CDIN1: variants seen among roughly 807,000 people sequenced by gnomAD.
The protein encoded by CDIN1 is CDAN1-interacting nuclease 1.
Under a neutral mutation model 45.3 loss-of-function variants are expected in CDIN1, and 33 were observed. The observed-to-expected ratio is 0.73, with a 90% CI of 0.55 to 0.97. The LOEUF (loss-of-function observed/expected upper bound fraction) is 0.97, where lower values mean the gene tolerates loss of function less well. CDIN1 is among the 50% of genes least tolerant of loss of function. CDIN1 has a pLI of 0.00. For synonymous variants in CDIN1, 118 were observed against 124.4 expected (o/e 0.95, Z 0.34); for missense variants, 303 against 339.4 (o/e 0.89, Z 0.84).
chr15:36,714,735 G>A (rs912670557), intron 10 of CDIN1, among the ~76,000 whole-genome samples: 1 of 152,032 alleles, frequency 6.6e-6, no homozygotes, highest in South Asian at 2.1e-4. Flanking sequence ...CAAGCTCCAC[G>A]TACATTCCCA....
At chr15:36,747,871 AT>A (rs970905142) in intron 10 of CDIN1, among the ~76,000 whole-genome samples, 1 of 152,010 alleles carries the variant, frequency 6.6e-6, no homozygotes, top group African/African-American at 2.4e-5. Context: ...AGACCTGAGG[AT>A]TTTTCACTCT....
At chr15:36,599,326 C>G (rs1297939590) in intron 1 of CDIN1, among the ~76,000 whole-genome samples, 7 of 152,088 alleles carry the variant, frequency 4.6e-5, no homozygotes. Flanking sequence ...AGACATGGAG[C>G]CATTTGTTAT....
At chr15:36,790,610 G>T (rs891043444) in intron 10 of CDIN1, among the ~76,000 whole-genome samples, 1 of 152,100 alleles carries the variant, frequency 6.6e-6, no homozygotes, top group African/African-American at 2.4e-5. Context: ...CACATTCTAC[G>T]CATGTAACAA....
At chr15:36,595,060 C>A in intron 1 of CDIN1, 1 of 308,368 alleles carries the variant, frequency 3.2e-6, no homozygotes, top group Non-Finnish European at 4.7e-6. Flanking sequence ...ACATATGTAA[C>A]CTTGGAACTG....
At chr15:36,689,711 T>G (rs957761605) in intron 5 of CDIN1, among the ~76,000 whole-genome samples, 4 of 152,184 alleles carry the variant, frequency 2.6e-5, no homozygotes, top group African/African-American at 9.7e-5. Flanking sequence ...TGCTGTAATC[T>G]TTTCTTTTAT....
intron 10 of CDIN1, among the ~76,000 whole-genome samples, chr15:36,806,933 G>A (rs1386375542): frequency 1.3e-5 from 2 of 152,156 alleles, no homozygotes; most frequent in Non-Finnish European, 2.9e-5. Flanking sequence ...CTTTGGGGAT[G>A]CTGAGGAAGA....
At chr15:36,682,670 T>C (rs574889302) in intron 5 of CDIN1, among the ~76,000 whole-genome samples, 2 of 141,432 alleles carry the variant, frequency 1.4e-5, no homozygotes, top group South Asian at 4.4e-4. Flanking sequence ...CCAGGGAGAC[T>C]GAGATGGGAG....
At chr15:36,786,393 T>C (rs926673236) in intron 10 of CDIN1, among the ~76,000 whole-genome samples, 1 of 152,230 alleles carries the variant, frequency 6.6e-6, no homozygotes, top group Non-Finnish European at 1.5e-5. Flanking sequence ...GCTAAATGTA[T>C]AGATTTTTTA....
intron 5 of CDIN1, among the ~76,000 whole-genome samples, chr15:36,667,279 C>T (rs895956688): frequency 1.3e-5 from 2 of 152,170 alleles, no homozygotes; most frequent in Non-Finnish European, 2.9e-5. Flanking sequence ...CTTTTAAGTG[C>T]TTGTGTAATT....
chr15:36,660,744 G>A (rs1695336658), intron 5 of CDIN1, among the ~76,000 whole-genome samples: 3 of 152,032 alleles, frequency 2.0e-5, no homozygotes, highest in Admixed American at 2.0e-4. Flanking sequence ...TTGTACTGTT[G>A]CTTAGCCTCA....
At chr15:36,632,204 C>T (rs1254983911) in intron 1 of CDIN1, among the ~76,000 whole-genome samples, 1 of 152,156 alleles carries the variant, frequency 6.6e-6, no homozygotes, top group African/African-American at 2.4e-5. Flanking sequence ...TGCAATCTCA[C>T]CAGCAATATA....
chr15:36,692,655 T>C (rs2042297225), intron 7 of CDIN1, among the ~76,000 whole-genome samples: 1 of 152,204 alleles, frequency 6.6e-6, no homozygotes, highest in African/African-American at 2.4e-5. Flanking sequence ...ATTGCTTAAA[T>C]GCTGATTACA....
At chr15:36,751,229 T>TTA (rs10557235) in intron 10 of CDIN1, among the ~76,000 whole-genome samples, 7,878 of 97,396 alleles carry the variant, frequency 0.081, 392 homozygotes, top group East Asian at 0.13. Context: ...TATGCTTATT[T>TTA]TATATATATA....
chr15:36,769,071 T>G (rs1454905656), intron 10 of CDIN1, among the ~76,000 whole-genome samples: 1 of 152,212 alleles, frequency 6.6e-6, no homozygotes, highest in Non-Finnish European at 1.5e-5. Flanking sequence ...GGCCTTCTGA[T>G]AAAGGCAGAT....
chr15:36,755,009 T>C (rs943709796), intron 10 of CDIN1, among the ~76,000 whole-genome samples: 1 of 152,236 alleles, frequency 6.6e-6, no homozygotes, highest in Non-Finnish European at 1.5e-5. Flanking sequence ...GTGTGTGTTT[T>C]GCAATTCTAA....
intron 4 of CDIN1, among the ~76,000 whole-genome samples, chr15:36,657,222 T>C (rs114269323): frequency 2.0e-3 from 308 of 152,250 alleles, no homozygotes; most frequent in African/African-American, 6.3e-3. Context: ...TGATCTTATG[T>C]TGCAGATATT....
chr15:36,797,717 T>C (rs188780608), intron 10 of CDIN1, among the ~76,000 whole-genome samples: 51 of 152,224 alleles, frequency 3.4e-4, no homozygotes, highest in Middle Eastern at 3.4e-3. Context: ...TGGTGGCTCA[T>C]GCCTGTAATC....
intron 10 of CDIN1, among the ~76,000 whole-genome samples, chr15:36,788,121 T>C: frequency 7.4e-6 from 1 of 134,268 alleles, no homozygotes; most frequent in Non-Finnish European, 1.6e-5. Context: ...TTTTTTTTTT[T>C]TTTTTTTTTT....
intron 10 of CDIN1, chr15:36,790,073 G>C (rs11073196): frequency 0.8 from 122,087 of 152,096 alleles, 51,864 homozygotes; most frequent in East Asian, 0.95. Context: ...TGTGGAAATC[G>C]TGGTGGTAAA....
Sources: allele counts gnomAD v4.1 joint callset (sites outside exome capture counted in the v4.1 genomes callset), GRCh38; gene constraint gnomAD v4.1.1; transcripts MANE v1.5; gene names NCBI Gene and HGNC (gene_info 2026-07-23, HGNC 2026-07-21).